Variants in LAMC2 observed in about 807,000 individuals in gnomAD.
The protein encoded by LAMC2 is laminin subunit gamma-2.
Under a neutral mutation model 140.2 loss-of-function variants are expected in LAMC2, and 97 were observed. That is an observed-to-expected ratio of 0.69 (90% CI 0.59 to 0.82). The LOEUF is 0.82. LAMC2 is among the 40% of genes least tolerant of loss of function. LAMC2 has a pLI of 0.00. For synonymous variants in LAMC2, 513 were observed against 540.2 expected (o/e 0.95, Z 0.70); for missense variants, 1,402 against 1,476.1 (o/e 0.95, Z 0.82).
intron 11 of LAMC2, among the ~76,000 whole-genome samples, chr1:183,229,845 A>G (rs557669162): frequency 6.6e-4 from 100 of 152,232 alleles, no homozygotes; most frequent in African/African-American, 2.3e-3. Context: ...AGACCAGCCC[A>G]GACCCCAAAC....
Position 183,223,335 on chromosome 1 carries a change from A to G in LAMC2, c.953+11A>G. 1 of 1,613,482 alleles carries G rather than the reference A, an allele frequency of 6.2e-7. No homozygotes were observed. The highest frequency in any genetic ancestry group is 8.5e-7 in the Non-Finnish European group (1 of 1,179,416). On this transcript the variant is annotated intron_variant, in intron 7 of 22. Transcript: ENST00000264144. ...GACTTACACATTCAGGTAAAAAGAG[A>G]GACCATAAGTAGGTCAATTAGAGCA... is the stretch of plus-strand genomic sequence containing the variant.
At chr1:183,247,333 C>G (rs1660260562), downstream of LAMC2, among the ~76,000 whole-genome samples, 1 of 151,878 alleles carries the variant, frequency 6.6e-6, no homozygotes, top group Non-Finnish European at 1.5e-5. Flanking sequence ...AAAACAAAAA[C>G]AAAACTCAAA....
At chr1:183,242,202 A>G (rs1272881636) in intron 22 of LAMC2, among the ~76,000 whole-genome samples, 5 of 152,208 alleles carry the variant, frequency 3.3e-5, no homozygotes, top group Non-Finnish European at 7.3e-5. Context: ...TCCCAAGCTT[A>G]CTTAACTTCC....
At chr1:183,253,855 G>T in the LAMC2 span, among the ~76,000 whole-genome samples, 1 of 151,976 alleles carries the variant, frequency 6.6e-6, no homozygotes, top group Non-Finnish European at 1.5e-5. Flanking sequence ...TAGCCAAGTT[G>T]TGGCAAGTGG....
chr1:183,187,235 T>C (rs1039449911), intron 1 of LAMC2, among the ~76,000 whole-genome samples: 1 of 152,220 alleles, frequency 6.6e-6, no homozygotes, highest in Non-Finnish European at 1.5e-5. Flanking sequence ...ATTCTTTCAA[T>C]AGGTCCAAGA....
chr1:183,235,693 AGCCCGGACGGTGC>A lies in LAMC2; in HGVS notation c.2420_2432del (p.Ser807MetfsTer20), dbSNP rs1659936211. ...TGAAGGAGTCGGAAGCGGAAGCGGTAGCCCGGACGGTGCTGTGGTGCAAGGGCTTGTGGAAAAG... is the reference window on the plus strand; with the variant it reads ...TGAAGGAGTCGGAAGCGGAAGCGGTATGTGGTGCAAGGGCTTGTGGAAAAG... On this transcript the variant is annotated frameshift_variant, in exon 16 of 23. Coordinates refer to ENST00000264144, the MANE Select transcript of LAMC2 (RefSeq NM_005562.3). LOFTEE classifies it high-confidence loss of function. 1 of 1,614,244 alleles carries A rather than the reference AGCCCGGACGGTGC, an allele frequency of 6.2e-7. No individual in the cohort carries two copies. Among genetic ancestry groups the A allele is most frequent in the Non-Finnish European group, 8.5e-7 (1 of 1,180,038 alleles).
chr1:183,240,617 G>A (rs944811244), intron 22 of LAMC2: 120 of 1,421,660 alleles, frequency 8.4e-5, no homozygotes, highest in Non-Finnish European at 1.0e-4. Flanking sequence ...ATTGCACTTG[G>A]GGGTAAAGGT....
chr1:183,227,315 A>G (rs1659655646), intron 9 of LAMC2, among the ~76,000 whole-genome samples, 200 bp from the exon 10 acceptor site: 1 of 152,132 alleles, frequency 6.6e-6, no homozygotes, highest in African/African-American at 2.4e-5. Flanking sequence ...TACTTTGCAT[A>G]GGGGAGTGAG....
chr1:183,236,668 G>C, intron 17 of LAMC2, 64 bp downstream of exon 17: 2 of 1,567,680 alleles, frequency 1.3e-6, no homozygotes, highest in Non-Finnish European at 1.8e-6. Flanking sequence ...TTTTCTGGGG[G>C]TGCCATAATA....
chr1:183,191,355 T>C (rs1479686490), intron 1 of LAMC2, among the ~76,000 whole-genome samples: 1 of 152,172 alleles, frequency 6.6e-6, no homozygotes, highest in Non-Finnish European at 1.5e-5. Flanking sequence ...TCAGCCTCAC[T>C]GGCCCAAGAA....
chr1:183,196,220 C>G (rs1658509584), intron 1 of LAMC2, among the ~76,000 whole-genome samples: 2 of 152,068 alleles, frequency 1.3e-5, no homozygotes, highest in African/African-American at 4.8e-5. Flanking sequence ...TCACTGCAAC[C>G]TCTGCCTACC....
intron 20 of LAMC2, chr1:183,239,821 G>GTCTGGCC: frequency 1.5e-6 from 1 of 656,874 alleles, no homozygotes; most frequent in East Asian, 2.7e-5. Flanking sequence ...GAGAAGCACT[G>GTCTGGCC]TCTGGCCGCT....
At chr1:183,247,458 T>A (rs567815538), downstream of LAMC2, among the ~76,000 whole-genome samples, 1 of 147,870 alleles carries the variant, frequency 6.8e-6, no homozygotes, top group East Asian at 2.0e-4. Context: ...TACAAGCATA[T>A]CAAGCATCAT....
chr1:183,232,175 G>C lies in LAMC2; in HGVS notation c.1858-12G>C. ...CTCCACCCTCGTTCTGATCTTTCCT[G>C]TGTGGTTTCAGATGGATCAGTTTAT... is the stretch of plus-strand genomic sequence containing the variant. On this transcript the variant is annotated splice_polypyrimidine_tract_variant and intron_variant, in intron 12 of 22. Coordinates refer to ENST00000264144, the MANE Select transcript of LAMC2 (RefSeq NM_005562.3). 1 of 1,613,466 alleles carries C rather than the reference G, an allele frequency of 6.2e-7. No individual in the cohort carries two copies. Among genetic ancestry groups the C allele is most frequent in the Admixed American group, 1.7e-5 (1 of 60,014 alleles).
In LAMC2 at chr1:183,227,621, T is replaced by C; in HGVS notation, c.1392T>C (p.Cys464=). The C allele has an allele frequency of 6.2e-7, 1 of 1,614,192 alleles. No individual in the cohort carries two copies. Among genetic ancestry groups the C allele is most frequent in the South Asian group, 1.1e-5 (1 of 91,080 alleles). ...HDPRSCKPCP[C]HNGFSCSVMP... The stretch of plus-strand genomic sequence containing the variant: ...CCCGCAGCTGCAAGCCATGTCCCTG[T>C]CATAACGGGTTCAGCTGCTCAGTGA... Residue 464 remains cysteine (C), a synonymous_variant, in exon 10 of 23, where the codon TGT becomes TGC. Transcript: ENST00000264144.
intron 17 of LAMC2, 71 bp from the exon 18 acceptor site, chr1:183,237,281 C>G: frequency 1.9e-6 from 3 of 1,540,588 alleles, no homozygotes; most frequent in Non-Finnish European, 2.7e-6. Flanking sequence ...ACAATGGTGC[C>G]AGGTCCTAAC....
intron 4 of LAMC2, among the ~76,000 whole-genome samples, chr1:183,219,008 A>G (rs1192711505): frequency 6.6e-6 from 1 of 152,210 alleles, no homozygotes; most frequent in East Asian, 1.9e-4. Flanking sequence ...GGGAGGAGGT[A>G]AGAGCCCTTT....
At chr1:183,235,301 C>T (rs1659919093) in intron 15 of LAMC2, among the ~76,000 whole-genome samples, 1 of 152,164 alleles carries the variant, frequency 6.6e-6, no homozygotes, top group South Asian at 2.1e-4. Flanking sequence ...CCTGAGACTG[C>T]TCCCACCCAT....
At chr1:183,253,172 ATGT>A in the LAMC2 span, among the ~76,000 whole-genome samples, 4 of 150,452 alleles carry the variant, frequency 2.7e-5, no homozygotes, top group African/African-American at 9.7e-5. Context: ...ATACAATCTG[ATGT>A]TGTAAGATAC....
Sources: allele counts gnomAD v4.1 joint callset (sites outside exome capture counted in the v4.1 genomes callset), GRCh38; gene constraint gnomAD v4.1.1; transcripts MANE v1.5; gene names NCBI Gene and HGNC (gene_info 2026-07-23, HGNC 2026-07-21).